The following ATRNL1 variants were observed in gnomAD, a reference collection of about 807,000 sequenced individuals.
ATRNL1 encodes attractin-like protein 1.
In ATRNL1, 95 loss-of-function variants were observed where a neutral mutation model predicts 182.7. That is an observed-to-expected ratio of 0.52 (90% CI 0.44 to 0.62). The LOEUF (loss-of-function observed/expected upper bound fraction) is 0.62. Ranked by LOEUF, ATRNL1 falls within the 20% of genes least tolerant of loss-of-function variation. ATRNL1 has a pLI of 0.00. For missense variants in ATRNL1, 1,471 were observed against 1,679.5 expected (o/e 0.88, Z 2.17); for synonymous variants, 576 against 568.3 (o/e 1.01, Z -0.19).
chr10:115,930,471 G>A (rs1205071593), intron 28 of ATRNL1, among the ~76,000 whole-genome samples: 2 of 152,128 alleles, frequency 1.3e-5, no homozygotes, highest in African/African-American at 4.8e-5. Context: ...GATCTGAACA[G>A]TTCAGTCCAA....
chr10:115,912,292 G>A (rs1952704683), intron 28 of ATRNL1, among the ~76,000 whole-genome samples: 1 of 152,074 alleles, frequency 6.6e-6, no homozygotes, highest in Admixed American at 6.6e-5. Context: ...ATACAAAGGA[G>A]CACTTGATAA....
intron 10 of ATRNL1, among the ~76,000 whole-genome samples, chr10:115,257,918 GA>G (rs1851225485): frequency 6.6e-6 from 1 of 152,194 alleles, no homozygotes; most frequent in Non-Finnish European, 1.5e-5. Context: ...TTTTCTTTAA[GA>G]ATGTTGAATT....
intron 27 of ATRNL1, among the ~76,000 whole-genome samples, chr10:115,803,205 G>C (rs1452048870): frequency 6.6e-6 from 1 of 151,982 alleles, no homozygotes; most frequent in African/African-American, 2.4e-5. Context: ...GAAGTAAAAG[G>C]GTGCAGATTT....
intron 26 of ATRNL1, among the ~76,000 whole-genome samples, chr10:115,573,273 G>T (rs1170368828): frequency 1.3e-5 from 2 of 152,060 alleles, no homozygotes; most frequent in African/African-American, 2.4e-5. Context: ...CCACCTAGTG[G>T]CCGGACTCTT....
intron 26 of ATRNL1, chr10:115,597,760 C>T: frequency 2.4e-6 from 1 of 417,452 alleles, no homozygotes; most frequent in South Asian, 1.7e-5. Flanking sequence ...GTTGGCCAGA[C>T]TGGACCTCAG....
chr10:115,650,562 T>C (rs1859921534), intron 26 of ATRNL1, among the ~76,000 whole-genome samples: 1 of 151,876 alleles, frequency 6.6e-6, no homozygotes. Context: ...CACACACACA[T>C]GCACACAGAT....
At chr10:115,661,838 G>C (rs1451543402) in intron 26 of ATRNL1, among the ~76,000 whole-genome samples, 1 of 152,022 alleles carries the variant, frequency 6.6e-6, no homozygotes, top group African/African-American at 2.4e-5. Context: ...AGTTACATAT[G>C]TATACCTGTG....
chr10:115,169,831 A>T (rs1286471518), intron 7 of ATRNL1, among the ~76,000 whole-genome samples: 5 of 152,024 alleles, frequency 3.3e-5, no homozygotes, highest in Non-Finnish European at 7.4e-5. Context: ...ATGTTTTGTA[A>T]TTTTCAGAGT....
chr10:115,503,411 A>G (rs1185331956), intron 24 of ATRNL1, among the ~76,000 whole-genome samples: 6 of 152,142 alleles, frequency 3.9e-5, no homozygotes, highest in African/African-American at 1.4e-4. Context: ...AAAAAAAATT[A>G]TATGAGCTGA....
chr10:115,331,442 T>C (rs1855218057), intron 18 of ATRNL1, among the ~76,000 whole-genome samples: 1 of 152,234 alleles, frequency 6.6e-6, no homozygotes, highest in African/African-American at 2.4e-5. Context: ...AATTTGTTTG[T>C]TGAATTTCTC....
At chr10:115,626,486 A>G (rs1406586962) in intron 26 of ATRNL1, among the ~76,000 whole-genome samples, 1 of 152,134 alleles carries the variant, frequency 6.6e-6, no homozygotes, top group Non-Finnish European at 1.5e-5. Flanking sequence ...GTTCTGGTTC[A>G]TGTTGGGTAT....
intron 26 of ATRNL1, among the ~76,000 whole-genome samples, chr10:115,573,075 G>A (rs894260721): frequency 6.6e-6 from 1 of 152,202 alleles, no homozygotes; most frequent in African/African-American, 2.4e-5. Context: ...TATTGCAAGG[G>A]TAAAGAACCA....
At chr10:115,789,455 C>A (rs574869269) in intron 27 of ATRNL1, among the ~76,000 whole-genome samples, 1 of 152,248 alleles carries the variant, frequency 6.6e-6, no homozygotes, top group South Asian at 2.1e-4. Context: ...TTATAGTGTG[C>A]TTGATGGTGC....
At chr10:115,334,727 T>C (rs180995915) in intron 19 of ATRNL1, among the ~76,000 whole-genome samples, 107 of 152,334 alleles carry the variant, frequency 7.0e-4, no homozygotes, top group African/African-American at 2.5e-3. Context: ...GCTGATAGTT[T>C]TTTTAATAAG....
At chr10:115,489,975 T>A (rs568474583) in intron 24 of ATRNL1, among the ~76,000 whole-genome samples, 1 of 152,126 alleles carries the variant, frequency 6.6e-6, no homozygotes, top group Non-Finnish European at 1.5e-5. Context: ...TTTCTCCTTC[T>A]CTTTTGAAGC....
chr10:115,685,225 C>A (rs191994266), intron 26 of ATRNL1, among the ~76,000 whole-genome samples: 3 of 151,694 alleles, frequency 2.0e-5, no homozygotes, highest in Admixed American at 1.3e-4. Flanking sequence ...TTAAAAATAC[C>A]CTTTTGTAGC....
chr10:115,555,932 C>T (rs1293240640), intron 26 of ATRNL1, among the ~76,000 whole-genome samples: 1 of 151,858 alleles, frequency 6.6e-6, no homozygotes, highest in African/African-American at 2.4e-5. Flanking sequence ...TATATTTGCC[C>T]TTTACCTATA....
rs781879437 is a variant in ATRNL1, at chr10:115,215,723, A to G, written c.1375A>G (p.Thr459Ala). Residue 459 changes from threonine to alanine, a missense_variant, in exon 9 of 29, where the codon ACT (threonine) becomes GCT (alanine). Coordinates refer to ENST00000355044, the MANE Select transcript of ATRNL1 (RefSeq NM_207303.4). ...ATCAAACACTTGGCTTGTTCCAGAA[A>G]CTAAAGGAGCTATTGTACAAGGTGG... is the stretch of plus-strand genomic sequence containing the variant. ...ISSNTWLVPE[T>A]KGAIVQGGYG... 2.0e-5 allele frequency: 32 copies of G among 1,597,812 alleles called. No individual in the cohort carries two copies. Among genetic ancestry groups the G allele is most frequent in the Non-Finnish European group, 2.7e-5 (32 of 1,174,872 alleles).
intron 8 of ATRNL1, among the ~76,000 whole-genome samples, chr10:115,197,289 A>C (rs1246349448): frequency 5.3e-5 from 8 of 152,104 alleles, no homozygotes; most frequent in African/African-American, 1.7e-4. Context: ...AAAATCTTAA[A>C]GACTTCTATG....
Sources: gnomAD v4.1 joint callset for allele counts (sites outside exome capture counted in the v4.1 genomes callset) on GRCh38, gnomAD v4.1.1 for gene constraint, MANE v1.5 for transcripts, NCBI Gene and HGNC (gene_info 2026-07-23, HGNC 2026-07-21) for gene names.